Variants in PCIF1 observed in about 807,000 individuals in gnomAD.
The protein encoded by PCIF1 is phosphorylated CTD interacting factor 1.
PCIF1 carries 12 observed loss-of-function variants against 86.9 expected under a neutral mutation model. The ratio of observed to expected loss-of-function variants is 0.14; its 90% CI spans 0.09 to 0.22. The LOEUF (loss-of-function observed/expected upper bound fraction) is 0.22, where lower values mean the gene tolerates loss of function less well. PCIF1 is among the 10% of genes least tolerant of loss of function. The pLI is 1.00. For missense variants in PCIF1, 701 were observed against 951.1 expected, an observed-to-expected ratio of 0.74 and a Z score of 3.46; for synonymous variants, 397 against 372.0, an observed-to-expected ratio of 1.07 and a Z score of -0.77.
chr20:45,935,607 C>T (rs1216577390), intron 1 of PCIF1, among the ~76,000 whole-genome samples: 2 of 152,260 alleles, frequency 1.3e-5, no homozygotes, highest in Non-Finnish European at 2.9e-5. Flanking sequence ...GGGGCTGGTA[C>T]TTCGGCCACA....
intron 11 of PCIF1, 100 bp downstream of exon 11, chr20:45,945,130 T>G: frequency 7.2e-7 from 1 of 1,388,508 alleles, no homozygotes. Flanking sequence ...GGGACTGGTT[T>G]GGGGCAGAAC....
In PCIF1 at chr20:45,943,116, G is replaced by A. The variant is rs1274758449; in HGVS notation, c.693G>A (p.Glu231=). Residue 231 remains glutamate (E), a synonymous_variant, in exon 8 of 17, where the codon GAG becomes GAA. Transcript: ENST00000372409. The surrounding 1 kb of genome is among the most constrained non-coding windows in gnomAD (Gnocchi z 5.5). ...CTGCAGGCATTGAGCCTCCACGGGA[G>A]TCTTTCAACCGCTGGATGCTGGAGC... ...QQREGIEPPR[E]SFNRWMLERK... The A allele has an allele frequency of 4.3e-6, 7 of 1,614,018 alleles. No individual in the cohort carries two copies. Among genetic ancestry groups the A allele is most frequent in the East Asian group, 2.2e-5 (1 of 44,882 alleles).
At chr20:45,935,345 G>A (rs950301482) in intron 1 of PCIF1, among the ~76,000 whole-genome samples, 4 of 152,182 alleles carry the variant, frequency 2.6e-5, no homozygotes, top group African/African-American at 9.6e-5. Context: ...CTCCAATCCC[G>A]GACTCGGACT....
At position 45,940,576 on chromosome 20, in the gene PCIF1, A is replaced by C; in HGVS notation, c.351A>C (p.Glu117Asp). 1 of 1,610,696 alleles carries C rather than the reference A, an allele frequency of 6.2e-7. No individual in the cohort carries two copies. Among genetic ancestry groups the C allele is most frequent in the Non-Finnish European group, 8.5e-7 (1 of 1,178,394 alleles). ...AGCCCAGAAAGCGGCAGCTCTCGGA[A>C]GAGCAGCCAAGCGGCAATGGTGTGA... ...ENKPRKRQLS[E>D]EQPSGNGVKK... is the part of the protein sequence containing the mutation. Residue 117 changes from glutamate to aspartate, a missense_variant, in exon 5 of 17, where the codon GAA becomes GAC. By Grantham distance (45) the Glu-to-Asp change is conservative (BLOSUM62 2). Around this residue, in one of 7 missense-constraint regions of PCIF1, gnomAD observed 125 missense variants for 126.8 expected, o/e 0.99. Transcript: ENST00000372409.
At position 45,939,275 on chromosome 20, in the gene PCIF1, A is replaced by T. The variant is rs749849155; in HGVS notation, c.185A>T (p.Tyr62Phe). 1.1e-5 allele frequency: 17 copies of T among 1,613,562 alleles called. No homozygotes were observed. The highest frequency in any genetic ancestry group is 1.3e-5 in the Non-Finnish European group (15 of 1,180,010). ...AGCCGGAGGGAGAATCGTCCCTACT[A>T]CTTCAACCGATTCACCAACCAGTCC... is the stretch of plus-strand genomic sequence containing the variant. ...CWSRRENRPY[Y>F]FNRFTNQSLW... Residue 62 changes from tyrosine (Y) to phenylalanine (F), a missense_variant, in exon 4 of 17, where the codon TAC (tyrosine) becomes TTC (phenylalanine). Tyr to Phe is a conservative substitution (Grantham distance 22). Coordinates refer to ENST00000372409, the MANE Select transcript of PCIF1 (RefSeq NM_022104.4).
intron 11 of PCIF1, among the ~76,000 whole-genome samples, 177 bp from the exon 12 acceptor site, chr20:45,945,534 G>A (rs2282073): frequency 0.066 from 10,115 of 152,282 alleles, 780 homozygotes; most frequent in East Asian, 0.23. Context: ...TTTCTGCCCC[G>A]GCCAGTTGCC....
At chr20:45,942,225 T>C (rs79402820) in intron 7 of PCIF1, among the ~76,000 whole-genome samples, 2 of 151,064 alleles carry the variant, frequency 1.3e-5, no homozygotes, top group African/African-American at 2.4e-5. Context: ...CCACCCGCCT[T>C]GGCCTCCCAA....
In PCIF1 at chr20:45,943,867, C is replaced by T. The variant is rs899053969; in HGVS notation, c.1005+102C>T. On this transcript the variant is annotated intron_variant, in intron 10 of 16. Coordinates refer to ENST00000372409, the MANE Select transcript of PCIF1 (RefSeq NM_022104.4). This position sits in a 1 kb window ranked among gnomAD's most constrained non-coding sequence, Gnocchi z 5.5. ...CCAGGCTGGGCAAGGCCTCCCCCAGCGGCCTATTCTTGTGCAGTATGGCAG... is the reference window on the plus strand; with the variant it reads ...CCAGGCTGGGCAAGGCCTCCCCCAGTGGCCTATTCTTGTGCAGTATGGCAG... 6.0e-5 allele frequency: 55 copies of T among 918,316 alleles called. No individual in the cohort carries two copies. The highest frequency in any genetic ancestry group is 8.3e-5 in the Non-Finnish European group (49 of 593,490). 56.9% of individuals were successfully genotyped at this position (918,316 alleles called of 1,614,324 possible).
At position 45,947,244 on chromosome 20, in the gene PCIF1, C is replaced by T; in HGVS notation, c.1708-19C>T. The T allele has an allele frequency of 6.2e-7, 1 of 1,605,282 alleles. No individual in the cohort carries two copies. The highest frequency in any genetic ancestry group is 8.5e-7 in the Non-Finnish European group (1 of 1,173,456). On this transcript the variant is annotated intron_variant, in intron 15 of 16. Coordinates refer to ENST00000372409, the MANE Select transcript of PCIF1 (RefSeq NM_022104.4). This position sits in a 1 kb window ranked among gnomAD's most constrained non-coding sequence, Gnocchi z 5.4. ...CTGGGAGGTAGTCCCTGACATCCAC[C>T]CTGTGTCCCCTTCCACAGAGACTGC...
In PCIF1 at chr20:45,941,045, G is replaced by A. The variant is rs62213346; in HGVS notation, c.519-8G>A. On this transcript the variant is annotated splice_polypyrimidine_tract_variant and splice_region_variant and intron_variant, in intron 6 of 16. Coordinates refer to ENST00000372409, the MANE Select transcript of PCIF1 (RefSeq NM_022104.4). ...GGACATCCTCATCACTCCTCTCTGT[G>A]CCCCAAGGGTCTACTGGGACCTGGA... is the stretch of plus-strand genomic sequence containing the variant. The A allele has an allele frequency of 1.2e-6, 2 of 1,614,062 alleles. No homozygotes were observed. The highest frequency in any genetic ancestry group is 1.7e-6 in the Non-Finnish European group (2 of 1,180,036).
intron 1 of PCIF1, among the ~76,000 whole-genome samples, chr20:45,935,476 C>G (rs886325109): frequency 1.3e-5 from 2 of 152,090 alleles, no homozygotes; most frequent in Admixed American, 6.5e-5. Context: ...AAGACGTTAA[C>G]TTAAGAGCAG....
chr20:45,943,779 C>G lies in PCIF1; in HGVS notation c.1005+14C>G. 1.3e-6 allele frequency: 2 copies of G among 1,548,334 alleles called. No individual in the cohort carries two copies. Among genetic ancestry groups the G allele is most frequent in the Non-Finnish European group, 8.7e-7 (1 of 1,144,460 alleles). Reference sequence around the variant, plus strand: ...GAGGACTACATGGTGAGTGGGTCCCCGGGTGAGAAGGCCAGTTTTAGGGCT... The same window carrying G: ...GAGGACTACATGGTGAGTGGGTCCCGGGGTGAGAAGGCCAGTTTTAGGGCT... On this transcript the variant is annotated intron_variant, in intron 10 of 16. Transcript: ENST00000372409. The surrounding 1 kb of genome is among the most constrained non-coding windows in gnomAD (Gnocchi z 5.5).
At position 45,939,203 on chromosome 20, in the gene PCIF1, G is replaced by C; in HGVS notation, c.125-12G>C. The stretch of plus-strand genomic sequence containing the variant: ...AGTCCTGACCCTGGCTGGGCTCCGT[G>C]CCTGTTTGCAGAGGAGCTGGTGCAT... On this transcript the variant is annotated splice_polypyrimidine_tract_variant and intron_variant, in intron 3 of 16. Transcript: ENST00000372409. 1 of 1,613,980 alleles carries C rather than the reference G, an allele frequency of 6.2e-7. No homozygotes were observed. Among genetic ancestry groups the C allele is most frequent in the South Asian group, 1.1e-5 (1 of 91,088 alleles).
rs1449761189 is a variant in PCIF1, at chr20:45,946,274, C to G, written c.1503C>G (p.Leu501=). The G allele has an allele frequency of 1.2e-6, 2 of 1,614,078 alleles. No individual in the cohort carries two copies. Among genetic ancestry groups the G allele is most frequent in the South Asian group, 2.2e-5 (2 of 91,088 alleles). ...TGCCTGTGCATGTCTTTGAGGCCCT[C>G]CACCGACTCTTTGGCGTCAGCTTCG... The part of the protein sequence containing the change: ...GSLPVHVFEA[L]HRLFGVSFEC... The change falls in exon 14 of 17, where the codon CTC becomes CTG. Residue 501 remains leucine, a synonymous_variant. Coordinates refer to ENST00000372409, the MANE Select transcript of PCIF1 (RefSeq NM_022104.4).
intron 7 of PCIF1, among the ~76,000 whole-genome samples, chr20:45,942,826 C>T (rs991078674): frequency 6.8e-4 from 95 of 140,670 alleles, no homozygotes; most frequent in Middle Eastern, 4.1e-3. Context: ...TTGCCCAGGC[C>T]GGTCTTGAAC....
rs111673733 is a variant in PCIF1, at chr20:45,944,954, C to G, written c.1092C>G (p.Ile364Met). 6.2e-7 allele frequency: 1 copy of G among 1,614,182 alleles called. No homozygotes were observed. Among genetic ancestry groups the G allele is most frequent in the East Asian group, 2.2e-5 (1 of 44,886 alleles). Residue 364 changes from isoleucine (I) to methionine (M), a missense_variant, in exon 11 of 17, where the codon ATC becomes ATG. By Grantham distance (10) the Ile-to-Met change is conservative. Coordinates refer to ENST00000372409, the MANE Select transcript of PCIF1 (RefSeq NM_022104.4). ...KDSVEGICSKIYHISLEYVKR... is the reference protein window; with the variant it reads ...KDSVEGICSKMYHISLEYVKR... ...CCGTGGAAGGCATCTGCAGTAAGATCTACCACATCTCCCTGGAGTACGTCA... is the reference window on the plus strand; with the variant it reads ...CCGTGGAAGGCATCTGCAGTAAGATGTACCACATCTCCCTGGAGTACGTCA...
chr20:45,939,872 T>C (rs150832381), intron 4 of PCIF1, among the ~76,000 whole-genome samples: 33 of 152,270 alleles, frequency 2.2e-4, no homozygotes, highest in Non-Finnish European at 3.4e-4. Flanking sequence ...CCTTCTCAGC[T>C]GGGGCAGCAT....
In PCIF1 at chr20:45,943,768, G is replaced by A. The variant is rs534758654; in HGVS notation, c.1005+3G>A. The A allele has an allele frequency of 1.9e-6, 3 of 1,552,728 alleles. No individual in the cohort carries two copies. Among genetic ancestry groups the A allele is most frequent in the Non-Finnish European group, 2.6e-6 (3 of 1,147,316 alleles). ...CAGCCTCCAAGGAGGACTACATGGT[G>A]AGTGGGTCCCCGGGTGAGAAGGCCA... is the stretch of plus-strand genomic sequence containing the variant. On this transcript the variant is annotated splice_donor_region_variant and intron_variant, in intron 10 of 16. Transcript: ENST00000372409. This position sits in a 1 kb window ranked among gnomAD's most constrained non-coding sequence, Gnocchi z 5.5.
intron 11 of PCIF1, 95 bp from the exon 12 acceptor site, chr20:45,945,616 T>C: frequency 2.1e-6 from 3 of 1,438,120 alleles, no homozygotes; most frequent in Non-Finnish European, 2.8e-6. Context: ...ATCTGTGGAA[T>C]GGGACTTCCC....
Sources: gnomAD v4.1 joint callset for allele counts (sites outside exome capture counted in the v4.1 genomes callset) on GRCh38, gnomAD v4.1.1 for gene constraint, gnomAD v4.1.1 regional missense constraint, Gnocchi (gnomAD v3.1) non-coding constraint, MANE v1.5 for transcripts, NCBI Gene and HGNC (gene_info 2026-07-23, HGNC 2026-07-21) for gene names.